ALDH3A1: variants seen among roughly 807,000 people sequenced by gnomAD.
ALDH3A1 encodes the protein aldehyde dehydrogenase 3 family member A1, also known as aldehyde dehydrogenase, dimeric NADP-preferring.
ALDH3A1 carries 46 observed loss-of-function variants against 49.9 expected under a neutral mutation model. The ratio of observed to expected loss-of-function variants is 0.92; its 90% confidence interval spans 0.73 to 1.18. The LOEUF (loss-of-function observed/expected upper bound fraction) is 1.18, where lower values mean the gene tolerates loss of function less well. ALDH3A1 is among the 50% of genes most tolerant of loss of function. ALDH3A1 has a pLI of 0.00. For synonymous variants in ALDH3A1, 269 were observed against 253.3 expected (o/e 1.06, Z -0.59); for missense variants, 592 against 611.8 (o/e 0.97, Z 0.34).
At chr17:19,741,357 A>G in intron 5 of ALDH3A1, 147 bp from the exon 6 acceptor site, 2 of 650,206 alleles carry the variant, frequency 3.1e-6, no homozygotes, top group Non-Finnish European at 5.5e-6. Flanking sequence ...GCTCACTTCT[A>G]GACACTGGAC....
At position 19,741,203 on chromosome 17, in the gene ALDH3A1, C is replaced by A. The variant is rs140108064; in HGVS notation, c.697G>T (p.Ala233Ser). 6.8e-5 allele frequency: 109 copies of A among 1,613,594 alleles called. No individual in the cohort carries two copies. In the African/African-American group the frequency reaches 1.2e-3, roughly 18 times the overall value. ...CDLDVACRRI[A>S]WGKFMNSGQT... Reference sequence around the variant, plus strand: ...CCACTGTTCATGAATTTCCCCCAGGCGATGCGTCTGTGAGAATCCCAGACT... The same window carrying A: ...CCACTGTTCATGAATTTCCCCCAGGAGATGCGTCTGTGAGAATCCCAGACT... Residue 233 changes from alanine (A) to serine (S), a missense_variant, in exon 6 of 11, where the codon GCC becomes TCC. Transcript: ENST00000225740.
intron 2 of ALDH3A1, chr17:19,744,753 G>C (rs28531080): frequency 1.0e-5 from 14 of 1,360,666 alleles, no homozygotes; most frequent in Non-Finnish European, 1.3e-5. Flanking sequence ...CGCGGAGGCC[G>C]GGCCAGGAGG....
Position 19,743,673 on chromosome 17 carries a change from G to T in ALDH3A1, c.163-210C>A, listed in dbSNP as rs2086545332. On this transcript the variant is annotated intron_variant, in intron 2 of 10. Coordinates refer to ENST00000225740, the MANE Select transcript of ALDH3A1 (RefSeq NM_000691.5). This position sits in a 1 kb window ranked among gnomAD's most constrained non-coding sequence, Gnocchi z 4.4. ...AGAGGACCCCTTTCTGCCAGAGGGG[G>T]GCCCAGGTAGGTTTGCGGCCCCAGG... 2 of 985,370 alleles carry T rather than the reference G, an allele frequency of 2.0e-6. No homozygotes were observed. Among genetic ancestry groups the T allele is most frequent in the Non-Finnish European group, 2.4e-6 (2 of 829,910 alleles). 61.0% of individuals were successfully genotyped at this position (985,370 alleles called of 1,614,324 possible).
chr17:19,746,618 T>TGTGCGCGTGTGTGTGTGTGC (rs2086597999), intron 1 of ALDH3A1, among the ~76,000 whole-genome samples: 2 of 149,144 alleles, frequency 1.3e-5, no homozygotes, highest in Admixed American at 1.3e-4. Flanking sequence ...TGCATGTGTG[T>TGTGCGCGTGTGTGTGTGTGC]GTGTGCGTGT....
Position 19,740,386 on chromosome 17 carries a change from C to T in ALDH3A1, c.899G>A (p.Gly300Asp), listed in dbSNP as rs142078447. 8.2e-3 allele frequency: 13,255 copies of T among 1,614,114 alleles called. 81 individuals carry two copies. Among genetic ancestry groups the T allele is most frequent in the Non-Finnish European group, 9.5e-3 (11,225 of 1,180,018 alleles). Residue 300 changes from glycine (G) to aspartate (D), a missense_variant, in exon 7 of 11, where the codon GGC becomes GAC. Transcript: ENST00000225740. ...GGTGCCCCCATAAGCCACCTTCTGGCCCTCAATCAGGCCCATCACCCTCTG... is the reference window on the plus strand; with the variant it reads ...GGTGCCCCCATAAGCCACCTTCTGGTCCTCAATCAGGCCCATCACCCTCTG... ...HFQRVMGLIE[G>D]QKVAYGGTGD...
At chr17:19,744,767 A>T in intron 2 of ALDH3A1, 1 of 1,365,194 alleles carries the variant, frequency 7.3e-7, no homozygotes, top group South Asian at 1.7e-5. Flanking sequence ...CAGGAGGAAA[A>T]GGCCAGAGGG....
Position 19,738,959 on chromosome 17 carries a change from G to GA in ALDH3A1, c.1216+36_1216+37insT, listed in dbSNP as rs11385990. 2,905 of 1,588,978 alleles carry GA rather than the reference G, an allele frequency of 1.8e-3. 65 individuals carry two copies. The East Asian group carries it at 0.05, about 27-fold the overall frequency. ...CTGGGTGAGTGTGCCCAGCCCTGGG[G>GA]CCCAGAGGGAGGCAGCAAGCTCAGC... On this transcript the variant is annotated intron_variant, in intron 9 of 10. Coordinates refer to ENST00000225740, the MANE Select transcript of ALDH3A1 (RefSeq NM_000691.5).
At position 19,743,373 on chromosome 17, in the gene ALDH3A1, C is replaced by T. The variant is rs2067046475; in HGVS notation, c.253G>A (p.Glu85Lys). 10 of 1,614,190 alleles carry T rather than the reference C, an allele frequency of 6.2e-6. No homozygotes were observed. The highest frequency in any genetic ancestry group is 4.5e-5 in the East Asian group (2 of 44,872). The part of the protein sequence containing the change: ...IQKLPEWAAD[E>K]PVEKTPQTQQ... Reference sequence around the variant, plus strand: ...GTCTGGGGCGTCTTCTCCACGGGCTCATCCGCGGCCCACTCAGGGAGCTTC... The same window carrying T: ...GTCTGGGGCGTCTTCTCCACGGGCTTATCCGCGGCCCACTCAGGGAGCTTC... Residue 85 changes from glutamate to lysine, a missense_variant, in exon 3 of 11, where the codon GAG becomes AAG. Glu to Lys is a moderately conservative substitution (Grantham distance 56, BLOSUM62 1). Coordinates refer to ENST00000225740, the MANE Select transcript of ALDH3A1 (RefSeq NM_000691.5). The surrounding 1 kb of genome is among the most constrained non-coding windows in gnomAD (Gnocchi z 4.4).
At position 19,743,664 on chromosome 17, in the gene ALDH3A1, C is replaced by A. The variant is rs978630981; in HGVS notation, c.163-201G>T. On this transcript the variant is annotated intron_variant, in intron 2 of 10. Coordinates refer to ENST00000225740, the MANE Select transcript of ALDH3A1 (RefSeq NM_000691.5). This position sits in a 1 kb window ranked among gnomAD's most constrained non-coding sequence, Gnocchi z 4.4. The stretch of plus-strand genomic sequence containing the variant: ...GTGGGTCTGAGAGGACCCCTTTCTG[C>A]CAGAGGGGGGCCCAGGTAGGTTTGC... 2 of 985,192 alleles carry A rather than the reference C, an allele frequency of 2.0e-6. No individual in the cohort carries two copies. The highest frequency in any genetic ancestry group is 3.5e-5 in the African/African-American group (2 of 57,222). 61.0% of individuals were successfully genotyped at this position (985,192 alleles called of 1,614,324 possible).
Position 19,743,836 on chromosome 17 carries a change from A to T in ALDH3A1, c.163-373T>A. The T allele has an allele frequency of 1.0e-6, 1 of 978,902 alleles. No individual in the cohort carries two copies. Among genetic ancestry groups the T allele is most frequent in the Admixed American group, 6.3e-5 (1 of 15,954 alleles). 60.6% of individuals were successfully genotyped at this position (978,902 alleles called of 1,614,324 possible). On this transcript the variant is annotated intron_variant, in intron 2 of 10. Transcript: ENST00000225740. This position sits in a 1 kb window ranked among gnomAD's most constrained non-coding sequence, Gnocchi z 4.4. ...GGGGATGGATCCGGGGAGGGGGGAT[A>T]GATTCGGGCACTGGGAGCTGGATCC...
At chr17:19,742,950 G>GGA in intron 3 of ALDH3A1, 1 of 1,526,108 alleles carries the variant, frequency 6.6e-7, no homozygotes, top group Middle Eastern at 1.7e-4. Context: ...ATTCTAGGAA[G>GGA]GAAGCCCTGA....
In ALDH3A1 at chr17:19,741,110, G is replaced by C. The variant is rs1343219969; in HGVS notation, c.790C>G (p.Leu264Val). 4 of 1,613,850 alleles carry C rather than the reference G, an allele frequency of 2.5e-6. No individual in the cohort carries two copies. The highest frequency in any genetic ancestry group is 3.4e-6 in the Non-Finnish European group (4 of 1,179,834). ...ACACTCACTTTCAGTGACTTCTTGA[G>C]CTTCTCCACAATTTGGTTCTGGATC... ...PSIQNQIVEK[L>V]KKSLKEFYGE... The change falls in exon 6 of 11, where the codon CTC becomes GTC. Residue 264 changes from leucine (L) to valine (V), a missense_variant. Leu to Val is a conservative substitution (Grantham distance 32, BLOSUM62 1). Coordinates refer to ENST00000225740, the MANE Select transcript of ALDH3A1 (RefSeq NM_000691.5).
intron 2 of ALDH3A1, 54 bp downstream of exon 2, chr17:19,744,914 C>CCCCCCCCCCCCCCCCCA: frequency 3.3e-6 from 4 of 1,196,490 alleles, no homozygotes; most frequent in Non-Finnish European, 3.3e-6. Context: ...CCTCCCCCCA[C>CCCCCCCCCCCCCCCCCA]GCCCCATCGC....
At chr17:19,738,848 A>G (rs896271510) in intron 9 of ALDH3A1, 148 bp downstream of exon 9, 5 of 678,034 alleles carry the variant, frequency 7.4e-6, no homozygotes, top group African/African-American at 7.2e-5. Flanking sequence ...TGTCTGATGG[A>G]TGGCACGCAG....
intron 6 of ALDH3A1, 36 bp downstream of exon 6, chr17:19,741,056 GC>G (rs765198755): frequency 2.4e-5 from 37 of 1,536,362 alleles, no homozygotes; most frequent in Non-Finnish European, 1.8e-6. Context: ...GTGCCTTACA[GC>G]CTCTCATCCC....
chr17:19,738,898 C>T (rs766184790), intron 9 of ALDH3A1, 98 bp downstream of exon 9: 20 of 1,079,302 alleles, frequency 1.9e-5, no homozygotes, highest in South Asian at 2.8e-5. Context: ...GGGAGGCTGC[C>T]GCCCGGGCTG....
rs1454987632 is a variant in ALDH3A1, at chr17:19,738,335, C to T, written c.1335G>A (p.Pro445=). 4 of 1,613,036 alleles carry T rather than the reference C, an allele frequency of 2.5e-6. No individual in the cohort carries two copies. Among genetic ancestry groups the T allele is most frequent in the South Asian group, 1.1e-5 (1 of 91,076 alleles). ...NDEGLKVRYP[P]SPAKMTQH ...TTCCCCCTCTCACCTTGGCCGGGCT[C>T]GGGGGGTATCTGACCTTCAGGCCTT... The change falls in exon 10 of 11, where the codon CCG becomes CCA. Residue 445 remains proline (P), a synonymous_variant. Coordinates refer to ENST00000225740, the MANE Select transcript of ALDH3A1 (RefSeq NM_000691.5).
At chr17:19,740,791 G>T (rs1295691803) in intron 6 of ALDH3A1, among the ~76,000 whole-genome samples, 1 of 152,020 alleles carries the variant, frequency 6.6e-6, no homozygotes, top group Admixed American at 6.5e-5. Flanking sequence ...AAGTAGCTGA[G>T]ACAACAGGCA....
At position 19,738,905 on chromosome 17, in the gene ALDH3A1, G is replaced by A. The variant is rs1328459964; in HGVS notation, c.1216+91C>T. On this transcript the variant is annotated intron_variant, in intron 9 of 10. Coordinates refer to ENST00000225740, the MANE Select transcript of ALDH3A1 (RefSeq NM_000691.5). ...AGGCTAATGGGAGGCTGCCGCCCGG[G>A]CTGCAGGAGGTGGTCCCTCCTGAAT... 2.6e-6 allele frequency: 3 copies of A among 1,160,146 alleles called. No homozygotes were observed. In the Admixed American group the frequency reaches 6.1e-5, roughly 24 times the overall value. The allele number at this position is 1,160,146 out of a possible 1,614,324, so 71.9% of individuals were successfully genotyped here.
Sources: gnomAD v4.1 joint callset for allele counts (sites outside exome capture counted in the v4.1 genomes callset) on GRCh38, gnomAD v4.1.1 for gene constraint, Gnocchi (gnomAD v3.1) non-coding constraint, MANE v1.5 for transcripts, NCBI Gene and HGNC (gene_info 2026-07-23, HGNC 2026-07-21) for gene names.